MPPE1: variants seen among roughly 807,000 people sequenced by gnomAD.
MPPE1 encodes metallophosphoesterase 1, also known as metallo phosphoesterase.
In MPPE1, 28 loss-of-function variants were observed where a neutral mutation model predicts 43.8. The ratio of observed to expected loss-of-function variants is 0.64; its 90% confidence interval spans 0.47 to 0.88. MPPE1 has a LOEUF of 0.88. Ranked by LOEUF, MPPE1 falls within the 40% of genes least tolerant of loss-of-function variation. MPPE1 has a pLI of 0.00. For synonymous variants in MPPE1, 159 were observed against 188.5 expected (o/e 0.84, Z 1.28); for missense variants, 428 against 492.2 (o/e 0.87, Z 1.23).
chr18:11,891,962 G>A (rs923188797), intron 4 of MPPE1, among the ~76,000 whole-genome samples: 11 of 149,830 alleles, frequency 7.3e-5, no homozygotes, highest in Non-Finnish European at 1.0e-4. Context: ...GCACCATCAC[G>A]CCTGGCTGAT....
intron 4 of MPPE1, 83 bp downstream of exon 4, chr18:11,893,385 G>T: frequency 1.1e-6 from 1 of 937,360 alleles, no homozygotes; most frequent in Non-Finnish European, 1.7e-6. Flanking sequence ...TCCAGCTCAA[G>T]CTGACACTGA....
chr18:11,898,100 C>G (rs2038781030), intron 2 of MPPE1, among the ~76,000 whole-genome samples: 1 of 152,066 alleles, frequency 6.6e-6, no homozygotes, highest in African/African-American at 2.4e-5. Flanking sequence ...AATGGGGTCT[C>G]CCCTGTCACC....
intron 2 of MPPE1, among the ~76,000 whole-genome samples, chr18:11,904,653 G>A (rs753555577): frequency 1.4e-4 from 22 of 152,206 alleles, no homozygotes; most frequent in Non-Finnish European, 2.2e-4. Flanking sequence ...AAGAGTGGCT[G>A]TGCGGGGCAT....
Position 11,886,792 on chromosome 18 carries a change from G to A in MPPE1, c.679-14C>T. 6.2e-7 allele frequency: 1 copy of A among 1,611,294 alleles called. No homozygotes were observed. The highest frequency in any genetic ancestry group is 8.5e-7 in the Non-Finnish European group (1 of 1,178,744). ...GGAGCCACGTGCCTGCTGGGTACAA[G>A]TCAGGCCATTAATCCGCACACCTGA... On this transcript the variant is annotated splice_polypyrimidine_tract_variant and intron_variant, in intron 7 of 10. Coordinates refer to ENST00000588072, the MANE Select transcript of MPPE1 (RefSeq NM_023075.6). The surrounding 1 kb of genome is among the most constrained non-coding windows in gnomAD (Gnocchi z 4.1).
chr18:11,890,067 T>G (rs947627199), intron 4 of MPPE1, among the ~76,000 whole-genome samples: 1 of 151,168 alleles, frequency 6.6e-6, no homozygotes, highest in African/African-American at 2.4e-5. Context: ...CTCAGCCTCC[T>G]GAGTAGCTGG....
chr18:11,892,914 T>C (rs12455436), intron 4 of MPPE1: 8,085 of 152,734 alleles, frequency 0.053, 409 homozygotes, highest in African/African-American at 0.14. Context: ...GAAAGTCTTA[T>C]ATTACCCCAA....
chr18:11,899,876 G>C (rs1391984634), intron 2 of MPPE1, among the ~76,000 whole-genome samples: 1 of 152,198 alleles, frequency 6.6e-6, no homozygotes, highest in Non-Finnish European at 1.5e-5. Flanking sequence ...TCTGTGAAAT[G>C]CATCCTCAGA....
chr18:11,899,481 CA>C (rs1308894772), intron 2 of MPPE1, among the ~76,000 whole-genome samples: 1 of 152,118 alleles, frequency 6.6e-6, no homozygotes, highest in African/African-American at 2.4e-5. Flanking sequence ...GGATTCATCC[CA>C]AATCTTGGAT....
At position 11,886,304 on chromosome 18, in the gene MPPE1, G is replaced by GAA. The variant is rs34314512; in HGVS notation, c.867+193_867+194dup. On this transcript the variant is annotated intron_variant, in intron 9 of 10. Coordinates refer to ENST00000588072, the MANE Select transcript of MPPE1 (RefSeq NM_023075.6). The surrounding 1 kb of genome is among the most constrained non-coding windows in gnomAD (Gnocchi z 4.1). ...GTAGGAAACAGAAGTAGGTTTACTG[G>GAA]AAAAAAAAAAAGCGATTAAATGAAA... 3.0e-4 allele frequency: 166 copies of GAA among 558,740 alleles called. 1 individual carries two copies. Among genetic ancestry groups the GAA allele is most frequent in the Non-Finnish European group, 1.5e-4 (50 of 333,912 alleles). The allele number at this position is 558,740 out of a possible 1,614,324, so 34.6% of individuals were successfully genotyped here.
intron 2 of MPPE1, among the ~76,000 whole-genome samples, chr18:11,904,316 T>TA (rs2039493324): frequency 1.4e-5 from 1 of 71,612 alleles, no homozygotes; most frequent in African/African-American, 1.1e-4. Context: ...TTTTTATTTA[T>TA]TTATTTATTT....
intron 4 of MPPE1, among the ~76,000 whole-genome samples, chr18:11,889,964 A>G (rs1383835581): frequency 6.7e-6 from 1 of 148,266 alleles, no homozygotes; most frequent in Non-Finnish European, 1.5e-5. Context: ...TTTTTTTGAG[A>G]TGGAGTCTCG....
At position 11,882,751 on chromosome 18, in the gene MPPE1, C is replaced by T. The variant is rs1781484052; in HGVS notation, c.*1694G>A. 6.7e-6 allele frequency: 1 copy of T among 148,588 alleles called. No homozygotes were observed. The highest frequency in any genetic ancestry group is 2.5e-5 in the African/African-American group (1 of 40,192). 9.2% of individuals were successfully genotyped at this position (148,588 alleles called of 1,614,324 possible). A position where few individuals can be genotyped will look rare whatever the true frequency, so the allele number is the denominator to read the frequency against. On this transcript the variant is annotated 3_prime_UTR_variant, in exon 11 of 11. Coordinates refer to ENST00000588072, the MANE Select transcript of MPPE1 (RefSeq NM_023075.6). ...GTCTGGCCTAGGAGAATGAGGATGACAGCTTCACTTGCCTTTTGAAGAAGA... is the reference window on the plus strand; with the variant it reads ...GTCTGGCCTAGGAGAATGAGGATGATAGCTTCACTTGCCTTTTGAAGAAGA...
chr18:11,884,264 T>C lies in MPPE1; in HGVS notation c.*181A>G. 2 of 607,418 alleles carry C rather than the reference T, an allele frequency of 3.3e-6. No homozygotes were observed. Among genetic ancestry groups the C allele is most frequent in the Non-Finnish European group, 5.8e-6 (2 of 346,822 alleles). 37.6% of individuals were successfully genotyped at this position (607,418 alleles called of 1,614,324 possible). ...TTGTTGTAGAGTACCTGTCCACTTT[T>C]ATAGCATGAGAACAGTACAATCAAC... On this transcript the variant is annotated 3_prime_UTR_variant, in exon 11 of 11. Coordinates refer to ENST00000588072, the MANE Select transcript of MPPE1 (RefSeq NM_023075.6).
rs994471014 is a variant in MPPE1, at chr18:11,897,360, C to T, written c.-92-4G>A. On this transcript the variant is annotated splice_region_variant and splice_polypyrimidine_tract_variant and intron_variant, in intron 2 of 10. Coordinates refer to ENST00000588072, the MANE Select transcript of MPPE1 (RefSeq NM_023075.6). ...CATTCAGGTCTTAGCTGGGCACCTA[C>T]GGGAAAAGGAAAAGAATTCAGTTAT... is the stretch of plus-strand genomic sequence containing the variant. The T allele has an allele frequency of 3.6e-5, 41 of 1,149,568 alleles. No individual in the cohort carries two copies. Among genetic ancestry groups the T allele is most frequent in the Admixed American group, 2.9e-4 (13 of 44,840 alleles). 71.2% of individuals were successfully genotyped at this position (1,149,568 alleles called of 1,614,324 possible). A position where few individuals can be genotyped will look rare whatever the true frequency, so the allele number is the denominator to read the frequency against.
chr18:11,893,267 T>C (rs2038205313), intron 4 of MPPE1: 2 of 528,480 alleles, frequency 3.8e-6, no homozygotes, highest in East Asian at 6.1e-5. Context: ...CCAACCTAAC[T>C]CAAGATTGAG....
At chr18:11,894,272 C>CA (rs1330158495) in intron 3 of MPPE1, among the ~76,000 whole-genome samples, 1 of 151,832 alleles carries the variant, frequency 6.6e-6, no homozygotes, top group African/African-American at 2.4e-5. Context: ...ACTAAAAATA[C>CA]AAAAAACCAG....
At chr18:11,899,900 A>G (rs1476526849) in intron 2 of MPPE1, among the ~76,000 whole-genome samples, 1 of 152,198 alleles carries the variant, frequency 6.6e-6, no homozygotes, top group Non-Finnish European at 1.5e-5. Flanking sequence ...CTACATTTGC[A>G]TAGGGAAATT....
chr18:11,902,623 C>T (rs1024302166), intron 2 of MPPE1: 6 of 152,148 alleles, frequency 3.9e-5, no homozygotes, highest in African/African-American at 1.4e-4. Context: ...GTATGCAAAC[C>T]CTTGCTGTTT....
At chr18:11,907,225 C>G (rs2039804455) in intron 1 of MPPE1, among the ~76,000 whole-genome samples, 1 of 152,194 alleles carries the variant, frequency 6.6e-6, no homozygotes, top group South Asian at 2.1e-4. Context: ...CCCAAACATT[C>G]CTTTCCATTG....
Sources: gnomAD v4.1 joint callset for allele counts (sites outside exome capture counted in the v4.1 genomes callset) on GRCh38, gnomAD v4.1.1 for gene constraint, Gnocchi (gnomAD v3.1) non-coding constraint, MANE v1.5 for transcripts, NCBI Gene and HGNC (gene_info 2026-07-23, HGNC 2026-07-21) for gene names.